The following SMC3 variants were observed in gnomAD, a reference collection of about 807,000 sequenced individuals.
SMC3 encodes the protein structural maintenance of chromosomes protein 3.
Under a neutral mutation model 171.8 loss-of-function variants are expected in SMC3, and 20 were observed. The observed-to-expected ratio is 0.12, with a 90% CI of 0.08 to 0.17. The LOEUF (loss-of-function observed/expected upper bound fraction) is 0.17. SMC3 is among the 10% of genes least tolerant of loss of function. SMC3 has a pLI of 1.00. For synonymous variants in SMC3, 464 were observed against 451.1 expected, an observed-to-expected ratio of 1.03 and a Z score of -0.36; for missense variants, 543 against 1,420.4, an observed-to-expected ratio of 0.38 and a Z score of 9.93.
chr10:110,588,452 T>G (rs1027060226), intron 13 of SMC3, among the ~76,000 whole-genome samples: 6 of 152,210 alleles, frequency 3.9e-5, no homozygotes, highest in Non-Finnish European at 8.8e-5. Flanking sequence ...TACTTTGATA[T>G]CTGACAATAA....
At chr10:110,591,991 C>T (rs1861212465) in intron 17 of SMC3, among the ~76,000 whole-genome samples, 1 of 152,074 alleles carries the variant, frequency 6.6e-6, no homozygotes, top group East Asian at 1.9e-4. Flanking sequence ...GGGCCAGGCT[C>T]GGTGGCTCAC....
In SMC3 at chr10:110,567,905, C is replaced by T. The variant is rs575193154; in HGVS notation, c.15+74C>T. 1.5e-4 allele frequency: 225 copies of T among 1,454,898 alleles called. 1 individual carries two copies. The African/African-American group carries it at 3.4e-3, about 22-fold the overall frequency. The allele number at this position is 1,454,898 out of a possible 1,614,324, so 90.1% of individuals were successfully genotyped here. On this transcript the variant is annotated intron_variant, in intron 1 of 28. Coordinates refer to ENST00000361804, the MANE Select transcript of SMC3 (RefSeq NM_005445.4). ...TCCTTGAGGCGGGAGTGTTGCGGCG[C>T]CACCCGCAGCCTCTCCCCTGTCTCC...
At chr10:110,579,768 T>C (rs1861005179) in intron 7 of SMC3, among the ~76,000 whole-genome samples, 1 of 152,220 alleles carries the variant, frequency 6.6e-6, no homozygotes, top group Non-Finnish European at 1.5e-5. Flanking sequence ...TATGTATAAT[T>C]GGAGCGTTCA....
chr10:110,590,465 A>G lies in SMC3; in HGVS notation c.1563A>G (p.Arg521=), dbSNP rs757737094. ...SINKVLDHFR[R]KGINQHVQNG... ...ACAAAGTGCTAGACCACTTCCGTCG[A>G]AAAGGAATAAACCAGCATGTTCAAA... Residue 521 remains arginine, a synonymous_variant, in exon 16 of 29, where the codon CGA becomes CGG. Transcript: ENST00000361804. 6.2e-7 allele frequency: 1 copy of G among 1,614,022 alleles called. No individual in the cohort carries two copies. Among genetic ancestry groups the G allele is most frequent in the East Asian group, 2.2e-5 (1 of 44,866 alleles).
intron 13 of SMC3, among the ~76,000 whole-genome samples, chr10:110,585,497 GC>G (rs1861097956): frequency 6.7e-6 from 1 of 150,046 alleles, no homozygotes; most frequent in Admixed American, 6.6e-5. Flanking sequence ...CACCATCTTG[GC>G]CAGGCTGGTC....
intron 20 of SMC3, 49 bp downstream of exon 20, chr10:110,598,339 TA>T: frequency 6.6e-7 from 1 of 1,523,396 alleles, no homozygotes; most frequent in Non-Finnish European, 9.1e-7. Flanking sequence ...AGATTAATAA[TA>T]TGGAAATATG....
At chr10:110,575,709 T>G (rs180924605) in intron 4 of SMC3, among the ~76,000 whole-genome samples, 76 of 152,344 alleles carry the variant, frequency 5.0e-4, no homozygotes, top group African/African-American at 1.6e-3. Context: ...GCTGTGAAAT[T>G]TAGCCTAACA....
At chr10:110,594,888 T>TA in intron 18 of SMC3, among the ~76,000 whole-genome samples, 1 of 152,182 alleles carries the variant, frequency 6.6e-6, no homozygotes, top group East Asian at 1.9e-4. Flanking sequence ...AATTTAACAT[T>TA]AACCTAATAT....
chr10:110,588,768 C>T (rs1861162543), intron 13 of SMC3, among the ~76,000 whole-genome samples: 2 of 152,176 alleles, frequency 1.3e-5, no homozygotes, highest in Non-Finnish European at 1.5e-5. Flanking sequence ...ATTAATTCTC[C>T]TTAAGGAAAC....
rs1288079938 is a variant in SMC3 at position 110,601,110 on chromosome 10, A to C, written c.2624A>C (p.Asp875Ala). The C allele has an allele frequency of 6.2e-7, 1 of 1,613,114 alleles. No individual in the cohort carries two copies. ...GAAGCCATCAATAAAAGAGTAAAAG[A>C]CACTATGGCACGATCAGAAGGTGAA... Reference protein sequence around the residue: ...ELEAINKRVKDTMARSEDLDN... With the variant: ...ELEAINKRVKATMARSEDLDN... Residue 875 changes from aspartate (D) to alanine (A), a missense_variant, in exon 23 of 29, where the codon GAC becomes GCC. Physicochemically the swap from Asp to Ala is moderately radical, Grantham distance 126. Around this residue, in one of 8 missense-constraint regions of SMC3, gnomAD observed 81 missense variants for 184.2 expected, o/e 0.44. Coordinates refer to ENST00000361804, the MANE Select transcript of SMC3 (RefSeq NM_005445.4).
In SMC3 at chr10:110,590,408, A is replaced by G. The variant is rs994310771; in HGVS notation, c.1510-4A>G. On this transcript the variant is annotated splice_region_variant and splice_polypyrimidine_tract_variant and intron_variant, in intron 15 of 28. Coordinates refer to ENST00000361804, the MANE Select transcript of SMC3 (RefSeq NM_005445.4). ...TAATATTTTTCATTTCTGACAACTT[A>G]CAGGCCATTTTAAATGGAATAGACA... 3.7e-6 allele frequency: 6 copies of G among 1,612,920 alleles called. No individual in the cohort carries two copies. In the African/African-American group the frequency reaches 5.3e-5, roughly 14 times the overall value.
At chr10:110,587,077 C>A (rs1861131234) in intron 13 of SMC3, among the ~76,000 whole-genome samples, 1 of 152,130 alleles carries the variant, frequency 6.6e-6, no homozygotes, top group African/African-American at 2.4e-5. Context: ...TATTACAGTT[C>A]ATTTATGTGA....
chr10:110,585,837 G>A (rs1411543304), intron 13 of SMC3, among the ~76,000 whole-genome samples: 3 of 150,896 alleles, frequency 2.0e-5, no homozygotes, highest in Non-Finnish European at 3.0e-5. Flanking sequence ...TTGCTCTGTC[G>A]CCCAGGCTGG....
intron 2 of SMC3, among the ~76,000 whole-genome samples, chr10:110,569,276 T>C (rs1188765827): frequency 6.6e-6 from 1 of 152,194 alleles, no homozygotes; most frequent in African/African-American, 2.4e-5. Context: ...TTTAAAGCAT[T>C]TCCGCTCTTC....
At chr10:110,575,610 G>A (rs546536757) in intron 4 of SMC3, among the ~76,000 whole-genome samples, 8 of 152,264 alleles carry the variant, frequency 5.3e-5, no homozygotes, top group African/African-American at 1.7e-4. Context: ...TGGTTTAGGA[G>A]AAAATTATAG....
At chr10:110,596,610 G>A (rs1391356135) in intron 19 of SMC3, 60 bp downstream of exon 19, 9 of 1,506,018 alleles carry the variant, frequency 6.0e-6, no homozygotes, top group Non-Finnish European at 8.2e-6. Flanking sequence ...TGTTTTGGTT[G>A]CCATATATAA....
intron 18 of SMC3, among the ~76,000 whole-genome samples, chr10:110,595,492 G>A (rs946946729): frequency 5.9e-5 from 9 of 152,282 alleles, no homozygotes; most frequent in African/African-American, 1.2e-4. Context: ...AGATCTCTCC[G>A]TTGTAAAGGT....
At chr10:110,598,092 TA>T (rs566061475) in intron 19 of SMC3, 46 bp from the exon 20 acceptor site, 164 of 1,547,594 alleles carry the variant, frequency 1.1e-4, no homozygotes, top group Non-Finnish European at 1.4e-4. Flanking sequence ...ATTAAGAACA[TA>T]CGATATATTT....
chr10:110,573,298 A>T (rs1271555865), intron 2 of SMC3, among the ~76,000 whole-genome samples: 1 of 152,198 alleles, frequency 6.6e-6, no homozygotes, highest in Non-Finnish European at 1.5e-5. Context: ...TTTAAACATG[A>T]GAACACTTTA....
Sources: allele counts gnomAD v4.1 joint callset (sites outside exome capture counted in the v4.1 genomes callset), GRCh38; gene constraint gnomAD v4.1.1; regional missense constraint gnomAD v4.1.1; transcripts MANE v1.5; gene names NCBI Gene and HGNC (gene_info 2026-07-23, HGNC 2026-07-21).